Variants in CDH4 observed in about 807,000 individuals in gnomAD.
CDH4 encodes cadherin-4.
In CDH4, 33 loss-of-function variants were observed where a neutral mutation model predicts 86.0. That is an observed-to-expected ratio of 0.38 (90% confidence interval 0.29 to 0.51). The LOEUF (loss-of-function observed/expected upper bound fraction) is 0.51, where lower values mean the gene tolerates loss of function less well. Ranked by LOEUF, CDH4 falls within the 20% of genes least tolerant of loss-of-function variation. The pLI is 0.86. For missense variants in CDH4, 1,114 were observed against 1,307.4 expected (o/e 0.85, Z 2.28); for synonymous variants, 555 against 549.4 (o/e 1.01, Z -0.14).
intron 11 of CDH4, among the ~76,000 whole-genome samples, chr20:61,927,134 C>T (rs1208725332): frequency 1.3e-5 from 2 of 152,328 alleles, no homozygotes; most frequent in East Asian, 1.9e-4. Context: ...AAGAGACATC[C>T]GTGGGATACA....
intron 2 of CDH4, among the ~76,000 whole-genome samples, chr20:61,682,889 G>A (rs2087533055): frequency 6.6e-6 from 1 of 151,940 alleles, no homozygotes; most frequent in African/African-American, 2.4e-5. Context: ...TCCCCTGAAG[G>A]TAGAGATCAG....
chr20:61,685,277 A>G (rs927049506), intron 2 of CDH4, among the ~76,000 whole-genome samples: 4 of 152,150 alleles, frequency 2.6e-5, no homozygotes, highest in Admixed American at 6.5e-5. Flanking sequence ...CTCACTCTCC[A>G]TGCGCTGCTA....
intron 4 of CDH4, among the ~76,000 whole-genome samples, chr20:61,841,448 A>C (rs1000074756): frequency 5.3e-5 from 8 of 151,432 alleles, no homozygotes; most frequent in Non-Finnish European, 8.8e-5. Context: ...CTTGGTGAAA[A>C]CTCTCCATGG....
chr20:61,631,974 C>T (rs2086893185), intron 2 of CDH4, among the ~76,000 whole-genome samples: 1 of 152,278 alleles, frequency 6.6e-6, no homozygotes, highest in Non-Finnish European at 1.5e-5. Context: ...TTATTTCCAT[C>T]TGACAGTGGG....
chr20:61,887,420 C>T (rs1369112284), intron 7 of CDH4, among the ~76,000 whole-genome samples: 1 of 152,208 alleles, frequency 6.6e-6, no homozygotes, highest in East Asian at 1.9e-4. Context: ...CATGCACATC[C>T]ATGCACATGT....
chr20:61,691,439 G>A (rs2087653696), intron 2 of CDH4, among the ~76,000 whole-genome samples: 1 of 150,858 alleles, frequency 6.6e-6, no homozygotes, highest in South Asian at 2.1e-4. Flanking sequence ...GTGTGCATGT[G>A]TGTCTGTGTG....
intron 2 of CDH4, among the ~76,000 whole-genome samples, chr20:61,451,134 C>T (rs1341977270): frequency 1.4e-5 from 2 of 142,772 alleles, no homozygotes; most frequent in Non-Finnish European, 3.0e-5. Flanking sequence ...CCCCCCCCTT[C>T]CCTCCGTGTC....
intron 7 of CDH4, among the ~76,000 whole-genome samples, chr20:61,893,586 T>A (rs567628106): frequency 7.1e-6 from 1 of 141,018 alleles, no homozygotes; most frequent in Non-Finnish European, 1.5e-5. Flanking sequence ...GGTAGGTGGG[T>A]GGATCGATGG....
At chr20:61,877,446 G>C (rs1984079949) in intron 7 of CDH4, among the ~76,000 whole-genome samples, 1 of 147,038 alleles carries the variant, frequency 6.8e-6, no homozygotes, top group Non-Finnish European at 1.5e-5. Context: ...AAAGCCATTA[G>C]AGGTGTGGTT....
chr20:61,405,193 G>A (rs2085074669), intron 2 of CDH4, among the ~76,000 whole-genome samples: 2 of 151,852 alleles, frequency 1.3e-5, no homozygotes, highest in Non-Finnish European at 2.9e-5. Context: ...CTCCCTCCCC[G>A]GGATGCGCTG....
intron 2 of CDH4, among the ~76,000 whole-genome samples, chr20:61,389,194 G>T (rs560654000): frequency 1.3e-5 from 2 of 152,356 alleles, no homozygotes; most frequent in East Asian, 3.9e-4. Context: ...GTGTGCACTC[G>T]GAGGGGCAGG....
At chr20:61,276,035 TGCAGGAGCACTGCA>T (rs1217383313) in intron 2 of CDH4, among the ~76,000 whole-genome samples, 2 of 152,210 alleles carry the variant, frequency 1.3e-5, no homozygotes, top group Middle Eastern at 3.2e-3. Context: ...GGGTTCGTTA[TGCAGGAGCACTGCA>T]GAGCGGTGAT....
At chr20:61,303,451 T>C (rs2084396611) in intron 2 of CDH4, among the ~76,000 whole-genome samples, 1 of 80,004 alleles carries the variant, frequency 1.2e-5, no homozygotes, top group Non-Finnish European at 2.9e-5. Context: ...CGTCTGGCCC[T>C]GCTCTTGCCA....
intron 2 of CDH4, among the ~76,000 whole-genome samples, chr20:61,547,685 C>T (rs1440602514): frequency 2.0e-5 from 3 of 152,298 alleles, no homozygotes; most frequent in African/African-American, 2.4e-5. Context: ...AGAATGTTCC[C>T]GAGCTCCTGC....
intron 2 of CDH4, among the ~76,000 whole-genome samples, chr20:61,303,875 C>T (rs1313545955): frequency 6.6e-6 from 1 of 152,146 alleles, no homozygotes; most frequent in Non-Finnish European, 1.5e-5. Flanking sequence ...CCAGGAGGTC[C>T]GATGGGCACG....
At chr20:61,471,811 T>C (rs2085505405) in intron 2 of CDH4, among the ~76,000 whole-genome samples, 1 of 152,160 alleles carries the variant, frequency 6.6e-6, no homozygotes, top group Non-Finnish European at 1.5e-5. Flanking sequence ...CATGTGTTTG[T>C]ATAGTTTCCA....
intron 2 of CDH4, among the ~76,000 whole-genome samples, chr20:61,503,966 C>G (rs2085722353): frequency 6.6e-6 from 1 of 152,162 alleles, no homozygotes; most frequent in Non-Finnish European, 1.5e-5. Context: ...GCCAAGGAGG[C>G]CTTTGCTTAT....
intron 6 of CDH4, among the ~76,000 whole-genome samples, chr20:61,855,284 T>C (rs1982949785): frequency 6.6e-6 from 1 of 152,170 alleles, no homozygotes; most frequent in Non-Finnish European, 1.5e-5. Context: ...ATTGCACCCT[T>C]GATTGGTTGT....
chr20:61,775,764 G>T (rs779541919), intron 4 of CDH4, among the ~76,000 whole-genome samples: 1 of 152,174 alleles, frequency 6.6e-6, no homozygotes, highest in Admixed American at 6.5e-5. Flanking sequence ...GGGTACCAGC[G>T]GCATCTGACT....
Sources: allele counts gnomAD v4.1 joint callset (sites outside exome capture counted in the v4.1 genomes callset), GRCh38; gene constraint gnomAD v4.1.1; transcripts MANE v1.5; gene names NCBI Gene and HGNC (gene_info 2026-07-23, HGNC 2026-07-21).